The following CLTCL1 variants were observed in gnomAD, a reference collection of about 807,000 sequenced individuals.
CLTCL1 encodes the protein clathrin heavy chain 2.
CLTCL1 carries 159 observed loss-of-function variants against 190.0 expected under a neutral mutation model. The ratio of observed to expected loss-of-function variants is 0.84; its 90% CI spans 0.74 to 0.95. The LOEUF (loss-of-function observed/expected upper bound fraction) is 0.95, where lower values mean the gene tolerates loss of function less well. CLTCL1 is among the 40% of genes least tolerant of loss of function. The pLI, the probability that CLTCL1 is intolerant of heterozygous loss-of-function variation, is 0.00. For synonymous variants in CLTCL1, 752 were observed against 769.6 expected, an observed-to-expected ratio of 0.98 and a Z score of 0.38; for missense variants, 1,878 against 2,033.4, an observed-to-expected ratio of 0.92 and a Z score of 1.47.
In CLTCL1 at chr22:19,210,398, A is replaced by T; in HGVS notation, c.3177T>A (p.Ala1059=). Residue 1059 remains alanine, a synonymous_variant, in exon 20 of 33, where the codon GCT becomes GCA. Coordinates refer to ENST00000427926, the MANE Select transcript of CLTCL1 (RefSeq NM_007098.4). ...NYDALDIASI[A]VSSALYEEAF... ...CCTCCTCATACAGTGCGCTGCTGAC[A>T]GCGATGCTCGCGATGTCCAGTGCGT... 6.2e-7 allele frequency: 1 copy of T among 1,614,024 alleles called. No individual in the cohort carries two copies. Among genetic ancestry groups the T allele is most frequent in the Non-Finnish European group, 8.5e-7 (1 of 1,179,882 alleles).
intron 2 of CLTCL1, among the ~76,000 whole-genome samples, chr22:19,273,737 ACCC>A (rs1308102622): frequency 6.6e-6 from 1 of 152,056 alleles, no homozygotes; most frequent in Non-Finnish European, 1.5e-5. Context: ...CATAAAAATT[ACCC>A]CCACTTGCTG....
At chr22:19,261,068 G>A (rs536926044) in intron 2 of CLTCL1, among the ~76,000 whole-genome samples, 3 of 151,892 alleles carry the variant, frequency 2.0e-5, no homozygotes, top group Non-Finnish European at 4.4e-5. Context: ...GCAATCCGTG[G>A]ATCAAAGAGT....
At chr22:19,189,584 G>C (rs1156233465) in intron 27 of CLTCL1, among the ~76,000 whole-genome samples, 1 of 152,176 alleles carries the variant, frequency 6.6e-6, no homozygotes, top group Non-Finnish European at 1.5e-5. Flanking sequence ...CAGCAATTCA[G>C]CCCCTTCTTC....
At chr22:19,211,638 G>A (rs2085223944) in intron 19 of CLTCL1, among the ~76,000 whole-genome samples, 1 of 151,854 alleles carries the variant, frequency 6.6e-6, no homozygotes, top group East Asian at 1.9e-4. Context: ...GTGGTGGCAG[G>A]CGCCTGTAGT....
rs782517279 is a variant in CLTCL1 at position 19,233,303 on chromosome 22, C to A, written c.1384G>T (p.Glu462Ter). Residue 462 changes from glutamate to a stop codon, truncating the protein, a stop_gained, in exon 9 of 33, where the codon GAG becomes TAG. Coordinates refer to ENST00000427926, the MANE Select transcript of CLTCL1 (RefSeq NM_007098.4). LOFTEE classifies it high-confidence loss of function. ...LKEDKLECSE[E>*]LGDLVKTTDP... ...GTGGTTTTGACCAAGTCTCCGAGCT[C>A]CTCTGAGCACTCCAGCTGTGGTATG... 20 of 1,613,320 alleles carry A rather than the reference C, an allele frequency of 1.2e-5. No homozygotes were observed. Among genetic ancestry groups the A allele is most frequent in the Non-Finnish European group, 1.7e-5 (20 of 1,179,378 alleles).
At chr22:19,276,728 GGT>G (rs2087518869) in intron 1 of CLTCL1, among the ~76,000 whole-genome samples, 2 of 152,190 alleles carry the variant, frequency 1.3e-5, no homozygotes, top group Non-Finnish European at 2.9e-5. Context: ...GGAGTGCAGT[GGT>G]GCGATCTCGG....
chr22:19,251,453 C>T (rs1027430780), intron 3 of CLTCL1, among the ~76,000 whole-genome samples: 2 of 151,988 alleles, frequency 1.3e-5, no homozygotes, highest in African/African-American at 2.4e-5. Context: ...AATCTAGATG[C>T]CTTTTTGTTT....
chr22:19,282,737 A>G (rs979798091), intron 1 of CLTCL1, among the ~76,000 whole-genome samples: 21 of 152,174 alleles, frequency 1.4e-4, no homozygotes, highest in Admixed American at 3.9e-4. Flanking sequence ...GGAATGCTCA[A>G]TACAGGACAA....
At chr22:19,281,638 C>G (rs143666460) in intron 1 of CLTCL1, among the ~76,000 whole-genome samples, 118 of 152,264 alleles carry the variant, frequency 7.7e-4, no homozygotes, top group African/African-American at 2.8e-3. Flanking sequence ...CCGGCTTTAG[C>G]AGGATAGGAC....
At chr22:19,266,838 A>G (rs2087136489) in intron 2 of CLTCL1, among the ~76,000 whole-genome samples, 1 of 152,180 alleles carries the variant, frequency 6.6e-6, no homozygotes, top group Admixed American at 6.5e-5. Flanking sequence ...ATAGAAGGGA[A>G]CTTCTCCAAC....
chr22:19,232,212 T>C (rs953074377), intron 10 of CLTCL1, among the ~76,000 whole-genome samples: 10 of 151,910 alleles, frequency 6.6e-5, no homozygotes, highest in African/African-American at 2.4e-4. Flanking sequence ...CTAAATGACA[T>C]CCTCACACCC....
chr22:19,180,896 G>C, intron 30 of CLTCL1, 90 bp from the exon 31 acceptor site: 1 of 1,095,794 alleles, frequency 9.1e-7, no homozygotes, highest in South Asian at 1.3e-5. Flanking sequence ...AGGACACAGG[G>C]CCTCCAGGAG....
intron 16 of CLTCL1, 45 bp from the exon 17 acceptor site, chr22:19,221,656 G>C: frequency 6.7e-7 from 1 of 1,485,186 alleles, no homozygotes; most frequent in South Asian, 1.2e-5. Context: ...GCTACCACTG[G>C]AAGTCTTGAG....
At position 19,283,209 on chromosome 22, in the gene CLTCL1, C is replaced by A. The variant is rs570757953; in HGVS notation, c.43-7379G>T. Reference sequence around the variant, plus strand: ...TTTTTTCACTAGTTAGTAGAAATAACCAAGGATTCCTGATCCCTAGTATAT... The same window carrying A: ...TTTTTTCACTAGTTAGTAGAAATAAACAAGGATTCCTGATCCCTAGTATAT... On this transcript the variant is annotated intron_variant, in intron 1 of 32. Coordinates refer to ENST00000427926, the MANE Select transcript of CLTCL1 (RefSeq NM_007098.4). Among the ~76,000 whole-genome samples the A allele has an allele frequency of 4.5e-4, 68 of 151,446 alleles. 1 individual carries two copies. The South Asian group carries it at 0.014, about 32-fold the overall frequency.
At chr22:19,184,683 T>G (rs2084254435) in intron 29 of CLTCL1, 2 of 416,734 alleles carry the variant, frequency 4.8e-6, no homozygotes, top group Admixed American at 5.1e-5. Context: ...GTCTTCCACA[T>G]GTGCCTAAAG....
intron 4 of CLTCL1, among the ~76,000 whole-genome samples, chr22:19,240,882 CAGG>C (rs2086232767): frequency 6.6e-6 from 1 of 152,200 alleles, no homozygotes; most frequent in African/African-American, 2.4e-5. Flanking sequence ...AGGGCAGCAG[CAGG>C]AGGAGGTTGG....
chr22:19,242,692 C>T (rs2086293324), intron 4 of CLTCL1, 83 bp downstream of exon 4: 1 of 1,458,886 alleles, frequency 6.9e-7, no homozygotes, highest in Non-Finnish European at 9.5e-7. Context: ...CATCTGCAGG[C>T]CATGCCCAGC....
chr22:19,222,823 TG>T lies in CLTCL1; in HGVS notation c.2293-15del. 1 of 1,588,656 alleles carries T rather than the reference TG, an allele frequency of 6.3e-7. No homozygotes were observed. Among genetic ancestry groups the T allele is most frequent in the Non-Finnish European group, 8.6e-7 (1 of 1,167,726 alleles). Reference sequence around the variant, plus strand: ...GAGCTTGGCCTCCTGAGGATTAGAATGCACAGAACAAGTCAGGGAGTGGAGA... The same window carrying T: ...GAGCTTGGCCTCCTGAGGATTAGAATCACAGAACAAGTCAGGGAGTGGAGA... On this transcript the variant is annotated splice_polypyrimidine_tract_variant and intron_variant, in intron 14 of 32. Transcript: ENST00000427926.
intron 2 of CLTCL1, among the ~76,000 whole-genome samples, chr22:19,268,983 G>A (rs569512283): frequency 2.6e-5 from 4 of 152,038 alleles, no homozygotes; most frequent in Admixed American, 1.3e-4. Flanking sequence ...CCAGCTACTC[G>A]GGAGGCTGAG....
Sources: allele counts gnomAD v4.1 joint callset (sites outside exome capture counted in the v4.1 genomes callset), GRCh38; gene constraint gnomAD v4.1.1; transcripts MANE v1.5; gene names NCBI Gene and HGNC (gene_info 2026-07-23, HGNC 2026-07-21).